ANKS3: variants seen among roughly 807,000 people sequenced by gnomAD.
The protein encoded by ANKS3 is ankyrin repeat and SAM domain-containing protein 3.
In ANKS3, 62 loss-of-function variants were observed where a neutral mutation model predicts 80.7. The observed-to-expected ratio is 0.77, with a 90% CI of 0.63 to 0.95. ANKS3 has a LOEUF of 0.95. Among genes scored for constraint, ANKS3 ranks in the 40% least tolerant of loss-of-function variants. The pLI is 0.00. For missense variants in ANKS3, 1,150 were observed against 883.6 expected, an observed-to-expected ratio of 1.30 and a Z score of -3.82; for synonymous variants, 489 against 355.3, an observed-to-expected ratio of 1.38 and a Z score of -4.23.
rs71402561 is a variant in ANKS3, at chr16:4,734,203, AC to A, written c.-337del. The A allele has an allele frequency of 0.82, 138,983 of 170,064 alleles. 57,190 individuals carry two copies. Among genetic ancestry groups the A allele is most frequent in the Middle Eastern group, 0.87 (278 of 318 alleles). 10.5% of individuals were successfully genotyped at this position (170,064 alleles called of 1,614,324 possible). On this transcript the variant is annotated 5_prime_UTR_variant, in exon 1 of 18. Transcript: ENST00000304283. ...CGCCGCCCTCGGGCTGCCGTCGCCA[AC>A]CCCCCCCAAACAGCTCGCCGCCACG...
chr16:4,713,889 A>G, intron 7 of ANKS3, 162 bp downstream of exon 7: 1 of 976,584 alleles, frequency 1.0e-6, no homozygotes, highest in Non-Finnish European at 1.5e-6. Flanking sequence ...CTCCTGTTAG[A>G]GCAGGGGCCT....
Position 4,698,508 on chromosome 16 carries a change from C to T in ANKS3, c.1643G>A (p.Arg548His), listed in dbSNP as rs764558382. The change falls in exon 14 of 18, where the codon CGC (arginine) becomes CAC (histidine). Residue 548 changes from arginine (R) to histidine (H), a missense_variant. Physicochemically the swap from Arg to His is conservative, Grantham distance 29. Coordinates refer to ENST00000304283, the MANE Select transcript of ANKS3 (RefSeq NM_133450.4). Reference protein sequence around the residue: ...VVESCLLEQDRAREDLQARLR... With the variant: ...VVESCLLEQDHAREDLQARLR... ...CCGGGCCTGGAGGTCCTCGCGGGCG[C>T]GGTCCTGCTCCAGCAGGCAGCTCTC... The T allele has an allele frequency of 2.6e-5, 40 of 1,561,972 alleles. No homozygotes were observed. Among genetic ancestry groups the T allele is most frequent in the East Asian group, 7.1e-5 (3 of 42,418 alleles).
intron 7 of ANKS3, among the ~76,000 whole-genome samples, chr16:4,707,189 G>T (rs1315086626): frequency 6.6e-6 from 1 of 152,016 alleles, no homozygotes; most frequent in Admixed American, 6.6e-5. Flanking sequence ...AAAAAGAACA[G>T]GCAGATGGAA....
At chr16:4,732,123 G>A (rs1170258467) in intron 1 of ANKS3, among the ~76,000 whole-genome samples, 1 of 152,160 alleles carries the variant, frequency 6.6e-6, no homozygotes, top group Admixed American at 6.6e-5. Flanking sequence ...TTGGTGAAGA[G>A]TGTGTGTAGG....
At chr16:4,704,030 C>A (rs977635491) in intron 8 of ANKS3, among the ~76,000 whole-genome samples, 1 of 152,226 alleles carries the variant, frequency 6.6e-6, no homozygotes, top group Non-Finnish European at 1.5e-5. Context: ...CCACTCAGAA[C>A]GACCAGCCCG....
At chr16:4,703,760 T>G (rs951219569) in intron 8 of ANKS3, among the ~76,000 whole-genome samples, 1 of 152,094 alleles carries the variant, frequency 6.6e-6, no homozygotes, top group Non-Finnish European at 1.5e-5. Flanking sequence ...TATAGAAAAT[T>G]TAAATTTCAC....
At chr16:4,699,229 A>C in intron 11 of ANKS3, 53 bp from the exon 12 acceptor site, 1 of 1,597,876 alleles carries the variant, frequency 6.3e-7, no homozygotes, top group Non-Finnish European at 8.5e-7. Context: ...GACGAAGCAG[A>C]GACGTTTTCC....
intron 2 of ANKS3, among the ~76,000 whole-genome samples, chr16:4,730,868 A>AAAAC (rs2081579750): frequency 1.3e-5 from 2 of 151,754 alleles, no homozygotes; most frequent in Non-Finnish European, 2.9e-5. Flanking sequence ...CAAAACAAAA[A>AAAAC]AAAAAAACAA....
intron 6 of ANKS3, among the ~76,000 whole-genome samples, chr16:4,720,397 G>C (rs1181074762): frequency 1.3e-5 from 2 of 150,326 alleles, no homozygotes; most frequent in Admixed American, 1.3e-4. Context: ...GGGAGGCAGA[G>C]GTTGCAGTGA....
At chr16:4,719,679 G>C (rs185607227) in intron 6 of ANKS3, among the ~76,000 whole-genome samples, 1 of 151,698 alleles carries the variant, frequency 6.6e-6, no homozygotes, top group East Asian at 1.9e-4. Context: ...CGTGCCTGTA[G>C]TCCCAGCTAC....
chr16:4,734,025 C>T lies in ANKS3; in HGVS notation c.-158G>A, dbSNP rs2081815801. 2.0e-6 allele frequency: 2 copies of T among 985,246 alleles called. No individual in the cohort carries two copies. The highest frequency in any genetic ancestry group is 2.4e-6 in the Non-Finnish European group (2 of 829,846). The allele number at this position is 985,246 out of a possible 1,614,324, so 61.0% of individuals were successfully genotyped here. A position where few individuals can be genotyped will look rare whatever the true frequency, so the allele number is the denominator to read the frequency against. ...CATTACTGTGCCCCCACCACAACCACATAAAGAAAATGTGGGGGCTCGGTC... is the reference window on the plus strand; with the variant it reads ...CATTACTGTGCCCCCACCACAACCATATAAAGAAAATGTGGGGGCTCGGTC... On this transcript the variant is annotated 5_prime_UTR_variant, in exon 1 of 18. In the 5' UTR this introduces an upstream ATG that the reference lacks. Transcript: ENST00000304283.
At chr16:4,699,527 C>T (rs147932806) in intron 11 of ANKS3, 15 of 272,210 alleles carry the variant, frequency 5.5e-5, no homozygotes, top group East Asian at 7.9e-5. Flanking sequence ...GTCTCAGTGT[C>T]GGATGTTCTG....
At chr16:4,731,617 G>C (rs1036491379) in intron 1 of ANKS3, 38 bp from the exon 2 acceptor site, 16 of 912,140 alleles carry the variant, frequency 1.8e-5, no homozygotes, top group African/African-American at 3.6e-5. Context: ...TTCTGGAATG[G>C]TTATGAAATT....
chr16:4,696,885 C>T lies in ANKS3; in HGVS notation c.*23G>A, dbSNP rs1332613391. The T allele has an allele frequency of 3.6e-6, 3 of 822,534 alleles. No homozygotes were observed. Among genetic ancestry groups the T allele is most frequent in the Non-Finnish European group, 5.9e-6 (3 of 511,020 alleles). The allele number at this position is 822,534 out of a possible 1,614,324, so 51.0% of individuals were successfully genotyped here. A position where few individuals can be genotyped will look rare whatever the true frequency, so the allele number is the denominator to read the frequency against. Reference sequence around the variant, plus strand: ...ACAGCTTCAGGGTGGACCAATCACCCAACGTCAGATTCTGAAAGAAAAAGC... The same window carrying T: ...ACAGCTTCAGGGTGGACCAATCACCTAACGTCAGATTCTGAAAGAAAAAGC... On this transcript the variant is annotated 3_prime_UTR_variant, in exon 18 of 18. Coordinates refer to ENST00000304283, the MANE Select transcript of ANKS3 (RefSeq NM_133450.4).
chr16:4,730,234 C>T, intron 2 of ANKS3, 83 bp from the exon 3 acceptor site: 1 of 1,293,844 alleles, frequency 7.7e-7, no homozygotes. Flanking sequence ...CCCTGCTACA[C>T]CACTGCACTA....
intron 14 of ANKS3, 120 bp downstream of exon 14, chr16:4,698,307 G>C (rs1361504986): frequency 7.4e-7 from 1 of 1,349,874 alleles, no homozygotes; most frequent in Non-Finnish European, 9.8e-7. Flanking sequence ...GGGTGGGGTG[G>C]CTCCAGACCC....
intron 6 of ANKS3, among the ~76,000 whole-genome samples, chr16:4,714,833 A>C (rs939486811): frequency 6.6e-6 from 1 of 151,902 alleles, no homozygotes; most frequent in African/African-American, 2.4e-5. Context: ...CTCTACTAAA[A>C]ATACAAAAAT....
intron 6 of ANKS3, among the ~76,000 whole-genome samples, chr16:4,721,123 G>A (rs1362029337): frequency 6.7e-6 from 1 of 149,352 alleles, no homozygotes; most frequent in Non-Finnish European, 1.5e-5. Context: ...GGCTAACGCG[G>A]TGAAACCCCG....
In ANKS3 at chr16:4,716,967, C is replaced by T. The variant is rs8054362; in HGVS notation, c.574-2781G>A. Among the ~76,000 whole-genome samples the T allele has an allele frequency of 8.0e-3, 1,212 of 152,118 alleles. 14 individuals are homozygous for T. The highest frequency in any genetic ancestry group is 0.028 in the African/African-American group (1,146 of 41,484). On this transcript the variant is annotated intron_variant, in intron 6 of 17. Transcript: ENST00000304283. ...AATTTATAAGCTGGGCACGGTGGCT[C>T]AAGCCTGTAATCCCAGCACTTTGGT...
Sources: gnomAD v4.1 joint callset for allele counts (sites outside exome capture counted in the v4.1 genomes callset) on GRCh38, gnomAD v4.1.1 for gene constraint, MANE v1.5 for transcripts, NCBI Gene and HGNC (gene_info 2026-07-23, HGNC 2026-07-21) for gene names.